The following C16orf46 variants were observed in gnomAD, a reference collection of about 807,000 sequenced individuals.
C16orf46 encodes the protein uncharacterized protein C16orf46.
In C16orf46, 7 loss-of-function variants were observed where a neutral mutation model predicts 5.5. The ratio of observed to expected loss-of-function variants is 1.28; its 90% CI spans 0.73 to 2.40. C16orf46 has a LOEUF of 2.40. Among genes scored for constraint, C16orf46 ranks in the 30% most tolerant of loss-of-function variants. The pLI is 0.00. For synonymous variants in C16orf46, 200 were observed against 184.1 expected (o/e 1.09, Z -0.70); for missense variants, 614 against 476.0 (o/e 1.29, Z -2.70).
intron 1 of C16orf46, among the ~76,000 whole-genome samples, chr16:81,067,751 C>T (rs1324088809): frequency 6.6e-6 from 1 of 152,032 alleles, no homozygotes; most frequent in Non-Finnish European, 1.5e-5. Flanking sequence ...CGGAGTTTTA[C>T]CATGCTGGCC....
chr16:81,062,101 A>G lies in C16orf46; in HGVS notation c.248T>C (p.Ile83Thr). ...GWGRTSPAAC[I>T]WPRKIPKKAR... ...CTTTTTTGGTATCTTCCTCGGCCAG[A>G]TGCAGGCAGCTGGAGAAGTCCTTCC... The change falls in exon 4 of 4, where the codon ATC (isoleucine) becomes ACC (threonine). Residue 83 changes from isoleucine to threonine, a missense_variant. Ile to Thr is a moderately conservative substitution (Grantham distance 89). Transcript: ENST00000299578. 6.2e-7 allele frequency: 1 copy of G among 1,603,704 alleles called. No individual in the cohort carries two copies. Among genetic ancestry groups the G allele is most frequent in the Non-Finnish European group, 8.5e-7 (1 of 1,178,636 alleles).
At chr16:81,065,811 T>G (rs974784294) in intron 2 of C16orf46, among the ~76,000 whole-genome samples, 4 of 119,154 alleles carry the variant, frequency 3.4e-5, no homozygotes, top group African/African-American at 1.2e-4. Context: ...TAGGCTTAGT[T>G]TTTTTATTTT....
At chr16:81,071,399 A>G (rs1255972189) in intron 1 of C16orf46, among the ~76,000 whole-genome samples, 1 of 152,232 alleles carries the variant, frequency 6.6e-6, no homozygotes, top group African/African-American at 2.4e-5. Context: ...GGAAATGAAC[A>G]CTTCCAAGAC....
downstream of C16orf46, among the ~76,000 whole-genome samples, chr16:81,059,551 A>G (rs1480656199): frequency 6.6e-6 from 1 of 152,176 alleles, no homozygotes; most frequent in Non-Finnish European, 1.5e-5. Flanking sequence ...ATGTGTCTAC[A>G]AAGCAACATC....
chr16:81,057,498 G>C (rs1971333443), downstream of C16orf46, among the ~76,000 whole-genome samples: 1 of 141,104 alleles, frequency 7.1e-6, no homozygotes, highest in African/African-American at 2.7e-5. Flanking sequence ...GTAGTGAGTT[G>C]AGATCATGCC....
Position 81,061,174 on chromosome 16 carries a change from T to C in C16orf46, c.1175A>G (p.His392Arg), listed in dbSNP as rs780453276. 9.9e-6 allele frequency: 16 copies of C among 1,608,066 alleles called. No individual in the cohort carries two copies. In the South Asian group the frequency reaches 1.7e-4, roughly 17 times the overall value. ...TACCGCAACCGCTCAGAGGATCCTG[T>C]GGGTAGAGACAGGAATGATAACTCT... Reference protein sequence around the residue: ...VSRVIIPVSTHRIL With the variant: ...VSRVIIPVSTRRIL The change falls in exon 4 of 4, where the codon CAC (histidine) becomes CGC (arginine). Residue 392 changes from histidine to arginine, a missense_variant. By Grantham distance (29) the His-to-Arg change is conservative (BLOSUM62 0). Coordinates refer to ENST00000299578, the MANE Select transcript of C16orf46 (RefSeq NM_152337.3).
downstream of C16orf46, chr16:81,060,291 C>T (rs1971425401): frequency 6.6e-6 from 1 of 152,440 alleles, no homozygotes; most frequent in African/African-American, 2.4e-5. Context: ...CTTGGACGTC[C>T]TGGACACAAG....
chr16:81,071,664 G>A (rs1971856062), intron 1 of C16orf46, among the ~76,000 whole-genome samples: 1 of 152,044 alleles, frequency 6.6e-6, no homozygotes, highest in Non-Finnish European at 1.5e-5. Context: ...GGGATCCCAT[G>A]GGCCCCGGAG....
Position 81,063,745 on chromosome 16 carries a change from C to G in C16orf46, c.210+1G>C, listed in dbSNP as rs764355513. 4 of 1,609,810 alleles carry G rather than the reference C, an allele frequency of 2.5e-6. No homozygotes were observed. Among genetic ancestry groups the G allele is most frequent in the Non-Finnish European group, 3.4e-6 (4 of 1,176,454 alleles). On this transcript the variant is annotated splice_donor_variant, in intron 3 of 3. Transcript: ENST00000299578. LOFTEE classifies it high-confidence loss of function. The stretch of plus-strand genomic sequence containing the variant: ...AAGCTGTGACTCAGAAAGATACTCA[C>G]TGCCTCTTCCCATCCAGTTCCAATA...
At chr16:81,063,074 C>T (rs1366113286) in intron 3 of C16orf46, among the ~76,000 whole-genome samples, 1 of 151,174 alleles carries the variant, frequency 6.6e-6, no homozygotes, top group Non-Finnish European at 1.5e-5. Flanking sequence ...GGTGAAACCC[C>T]GTCTCTACTA....
In C16orf46 at chr16:81,063,969, G is replaced by C; in HGVS notation, c.-14C>G. 6.3e-7 allele frequency: 1 copy of C among 1,579,242 alleles called. No individual in the cohort carries two copies. The highest frequency in any genetic ancestry group is 2.2e-5 in the East Asian group (1 of 44,598). On this transcript the variant is annotated 5_prime_UTR_variant, in exon 3 of 4. Transcript: ENST00000299578. ...ACAGAGATCCATTACTGTGATGCTT[G>C]CTTAAAGTTTTTAACATCTTCTTGC...
chr16:81,068,101 T>G (rs1156815464), intron 1 of C16orf46, among the ~76,000 whole-genome samples: 2 of 152,226 alleles, frequency 1.3e-5, no homozygotes, highest in East Asian at 3.8e-4. Context: ...TCTGTGACAC[T>G]ATATTGAGAT....
chr16:81,053,848 G>C (rs752827562), exon 4 of C16orf46: 121 of 481,912 alleles, frequency 2.5e-4, no homozygotes, highest in Admixed American at 5.5e-4. Flanking sequence ...TCTTTTTGGG[G>C]GCCGGGTTGG....
At chr16:81,075,268 T>TTA (rs74996861) in intron 1 of C16orf46, among the ~76,000 whole-genome samples, 7,272 of 151,164 alleles carry the variant, frequency 0.048, 455 homozygotes, top group African/African-American at 0.15. Flanking sequence ...CTTTTTTTTT[T>TTA]AACACCTATT....
intron 1 of C16orf46, among the ~76,000 whole-genome samples, chr16:81,075,818 T>C (rs528366559): frequency 6.6e-6 from 1 of 152,238 alleles, no homozygotes; most frequent in Non-Finnish European, 1.5e-5. Context: ...TCCTAATCCA[T>C]TAAGGGCAGG....
chr16:81,070,315 A>G (rs1000915153), intron 1 of C16orf46, among the ~76,000 whole-genome samples: 2 of 152,210 alleles, frequency 1.3e-5, no homozygotes, highest in Admixed American at 1.3e-4. Context: ...TTATTGGGAA[A>G]GGCAAAGGAA....
intron 3 of C16orf46, 88 bp downstream of exon 3, chr16:81,063,658 A>T: frequency 1.8e-6 from 2 of 1,119,142 alleles, no homozygotes; most frequent in Admixed American, 4.4e-5. Flanking sequence ...ATTTTTTGGT[A>T]ATATTAACTA....
At chr16:81,062,227 T>G (rs1036520487) in intron 3 of C16orf46, 89 bp from the exon 4 acceptor site, 2 of 1,149,044 alleles carry the variant, frequency 1.7e-6, no homozygotes, top group Admixed American at 2.6e-5. Flanking sequence ...TTTGGCAGTC[T>G]TATGTGAAAC....
chr16:81,063,614 C>A (rs1480752996), intron 3 of C16orf46, 132 bp downstream of exon 3: 1 of 743,652 alleles, frequency 1.3e-6, no homozygotes, highest in Non-Finnish European at 2.2e-6. Context: ...TATTTTACCT[C>A]AATTCCAGGG....
Sources: allele counts gnomAD v4.1 joint callset (sites outside exome capture counted in the v4.1 genomes callset), GRCh38; gene constraint gnomAD v4.1.1; transcripts MANE v1.5; gene names NCBI Gene and HGNC (gene_info 2026-07-23, HGNC 2026-07-21).